The following ZC3H8 variants were observed in gnomAD, a reference collection of about 807,000 sequenced individuals.
ZC3H8 encodes zinc finger CCCH-type containing 8.
In ZC3H8, 27 loss-of-function variants were observed where a neutral mutation model predicts 42.5. The observed-to-expected ratio is 0.64, with a 90% CI of 0.47 to 0.88. The LOEUF (loss-of-function observed/expected upper bound fraction) is 0.88. Ranked by LOEUF, ZC3H8 falls within the 40% of genes least tolerant of loss-of-function variation. The pLI, the probability that ZC3H8 is intolerant of heterozygous loss-of-function variation, is 0.00. For missense variants in ZC3H8, 277 were observed against 336.1 expected, an observed-to-expected ratio of 0.82 and a Z score of 1.37; for synonymous variants, 101 against 110.1, an observed-to-expected ratio of 0.92 and a Z score of 0.52.
intron 4 of ZC3H8, among the ~76,000 whole-genome samples, chr2:112,234,831 G>A (rs542565216): frequency 6.6e-6 from 1 of 152,116 alleles, no homozygotes; most frequent in African/African-American, 2.4e-5. Flanking sequence ...AAATGAAAGT[G>A]ATAGTATTTA....
At chr2:112,226,450 G>A (rs1316633468) in intron 8 of ZC3H8, among the ~76,000 whole-genome samples, 1 of 151,884 alleles carries the variant, frequency 6.6e-6, no homozygotes, top group African/African-American at 2.4e-5. Context: ...TTAGCCAGGT[G>A]AGGTGGCGGG....
chr2:112,225,865 T>C (rs1167121090), intron 8 of ZC3H8, among the ~76,000 whole-genome samples: 1 of 151,568 alleles, frequency 6.6e-6, no homozygotes, highest in African/African-American at 2.4e-5. Context: ...GTGGATCACC[T>C]GAGGTCAGGA....
At chr2:112,225,566 C>G (rs2104647160) in intron 8 of ZC3H8, among the ~76,000 whole-genome samples, 2 of 152,338 alleles carry the variant, frequency 1.3e-5, no homozygotes, top group East Asian at 3.9e-4. Flanking sequence ...CCTGTAATCC[C>G]AACACTTTGG....
At chr2:112,250,299 A>T in intron 1 of ZC3H8, 27 bp from the exon 2 acceptor site, 3 of 1,525,380 alleles carry the variant, frequency 2.0e-6, no homozygotes, top group African/African-American at 1.4e-5. Context: ...AAATAACACA[A>T]AAGAGTTTTT....
intron 6 of ZC3H8, 124 bp downstream of exon 6, chr2:112,233,136 C>G: frequency 1.7e-6 from 1 of 580,098 alleles, no homozygotes; most frequent in South Asian, 2.5e-5. Context: ...CACTTTGATA[C>G]TAAGTTGGGC....
At chr2:112,242,221 G>T (rs1030068554) in intron 2 of ZC3H8, among the ~76,000 whole-genome samples, 11 of 152,334 alleles carry the variant, frequency 7.2e-5, no homozygotes, top group Non-Finnish European at 1.3e-4. Context: ...ACCTGTGTTT[G>T]TAAGCACCCA....
rs35500593 is a variant in ZC3H8 at position 112,212,965 on chromosome 2, CTTTTTTTTTTTTT to C, written c.*3506_*3518del. On this transcript the variant is annotated 3_prime_UTR_variant, in exon 9 of 9. Transcript: ENST00000409573. ...CAGCAAGCACAACTCAGAAGAAATG[CTTTTTTTTTTTTT>C]TTTTTTTTTTATAAGAGACAAGGCT... is the stretch of plus-strand genomic sequence containing the variant. 1 of 84,918 alleles carries C rather than the reference CTTTTTTTTTTTTT, an allele frequency of 1.2e-5. No individual in the cohort carries two copies. The highest frequency in any genetic ancestry group is 1.3e-4 in the Admixed American group (1 of 7,666). 5.3% of individuals were successfully genotyped at this position (84,918 alleles called of 1,614,324 possible).
chr2:112,221,433 C>T (rs1464612545), intron 8 of ZC3H8, among the ~76,000 whole-genome samples: 2 of 152,178 alleles, frequency 1.3e-5, no homozygotes, highest in South Asian at 2.1e-4. Context: ...CCTGAGGCCT[C>T]CTCAGAAGCA....
intron 2 of ZC3H8, among the ~76,000 whole-genome samples, chr2:112,243,207 TCAAA>T (rs1376563735): frequency 6.6e-6 from 1 of 152,194 alleles, no homozygotes; most frequent in African/African-American, 2.4e-5. Flanking sequence ...TTTTGCACAC[TCAAA>T]CAGTTCCAGA....
rs1302289712 is a variant in ZC3H8, at chr2:112,212,905, T to C, written c.*3579A>G. Reference sequence around the variant, plus strand: ...TTGGCAGGAGGAGCCCCATGCTCTTTAGGCGCATTACCAAATCACCTAGTA... The same window carrying C: ...TTGGCAGGAGGAGCCCCATGCTCTTCAGGCGCATTACCAAATCACCTAGTA... On this transcript the variant is annotated 3_prime_UTR_variant, in exon 9 of 9. Coordinates refer to ENST00000409573, the MANE Select transcript of ZC3H8 (RefSeq NM_032494.3). 6.6e-6 allele frequency: 1 copy of C among 151,902 alleles called. No homozygotes were observed. The highest frequency in any genetic ancestry group is 1.5e-5 in the Non-Finnish European group (1 of 67,998). 9.4% of individuals were successfully genotyped at this position (151,902 alleles called of 1,614,324 possible). A position where few individuals can be genotyped will look rare whatever the true frequency, so the allele number is the denominator to read the frequency against.
At chr2:112,254,843 A>T in intron 1 of ZC3H8, 65 bp downstream of exon 1, 1 of 1,551,976 alleles carries the variant, frequency 6.4e-7, no homozygotes, top group Non-Finnish European at 8.7e-7. Context: ...TCCAATCCAG[A>T]AGAAACTAAG....
chr2:112,243,655 A>C (rs1685660680), intron 2 of ZC3H8, among the ~76,000 whole-genome samples: 1 of 152,210 alleles, frequency 6.6e-6, no homozygotes, highest in Admixed American at 6.5e-5. Flanking sequence ...TATCAGTCAA[A>C]GGCTGTGTTG....
intron 8 of ZC3H8, among the ~76,000 whole-genome samples, chr2:112,228,822 A>C (rs1684963129): frequency 6.6e-6 from 1 of 152,250 alleles, no homozygotes. Context: ...GGATATTTGC[A>C]AATCATGTAT....
chr2:112,253,667 C>G (rs1686031671), intron 1 of ZC3H8, among the ~76,000 whole-genome samples: 1 of 152,156 alleles, frequency 6.6e-6, no homozygotes, highest in Non-Finnish European at 1.5e-5. Context: ...TTCCAAGTGT[C>G]TTTTATGTAT....
rs1685058913 is a variant in ZC3H8 at position 112,230,940 on chromosome 2, G to A, written c.854C>T (p.Thr285Ile). 2 of 1,254,782 alleles carry A rather than the reference G, an allele frequency of 1.6e-6. No individual in the cohort carries two copies. Among genetic ancestry groups the A allele is most frequent in the African/African-American group, 1.6e-5 (1 of 63,050 alleles). The allele number at this position is 1,254,782 out of a possible 1,614,324, so 77.7% of individuals were successfully genotyped here. Reference sequence around the variant, plus strand: ...ATTTTATTTACATGACTTCTTTTCAGTATCCAAAACCTAATATAAAAAAAA... The same window carrying A: ...ATTTTATTTACATGACTTCTTTTCAATATCCAAAACCTAATATAAAAAAAA... ...TQELLAKVLD[T>I]EKKSCK is the part of the protein sequence containing the mutation. Residue 285 changes from threonine (T) to isoleucine (I), a missense_variant, in exon 8 of 9, where the codon ACT (threonine) becomes ATT (isoleucine). Physicochemically the swap from Thr to Ile is moderately conservative, Grantham distance 89. Transcript: ENST00000409573.
intron 2 of ZC3H8, among the ~76,000 whole-genome samples, chr2:112,244,769 T>C (rs1309312797): frequency 2.6e-5 from 4 of 152,222 alleles, no homozygotes; most frequent in African/African-American, 4.8e-5. Context: ...CATGCCCACA[T>C]AAGATGGCGA....
chr2:112,235,769 A>C (rs1481240449), intron 4 of ZC3H8, among the ~76,000 whole-genome samples: 1 of 152,088 alleles, frequency 6.6e-6, no homozygotes, highest in Non-Finnish European at 1.5e-5. Flanking sequence ...GGGGAGATTC[A>C]GTAAGGCCAA....
chr2:112,211,894 T>G lies in ZC3H8; in HGVS notation c.*4590A>C, dbSNP rs1244977328. 1 of 152,206 alleles carries G rather than the reference T, an allele frequency of 6.6e-6. No homozygotes were observed. Among genetic ancestry groups the G allele is most frequent in the Non-Finnish European group, 1.5e-5 (1 of 68,026 alleles). 9.4% of individuals were successfully genotyped at this position (152,206 alleles called of 1,614,324 possible). A position where few individuals can be genotyped will look rare whatever the true frequency, so the allele number is the denominator to read the frequency against. Reference sequence around the variant, plus strand: ...TCTTGTCCCTCCCTATCCAAACATATACATTCTCCCCTCTCCTCTTAACCC... The same window carrying G: ...TCTTGTCCCTCCCTATCCAAACATAGACATTCTCCCCTCTCCTCTTAACCC... On this transcript the variant is annotated 3_prime_UTR_variant, in exon 9 of 9. Transcript: ENST00000409573.
chr2:112,227,952 A>G (rs887134931), intron 8 of ZC3H8, among the ~76,000 whole-genome samples: 2 of 152,252 alleles, frequency 1.3e-5, no homozygotes, highest in African/African-American at 4.8e-5. Flanking sequence ...CTTAAAACTT[A>G]TATGGAAAAG....
Sources: allele counts gnomAD v4.1 joint callset (sites outside exome capture counted in the v4.1 genomes callset), GRCh38; gene constraint gnomAD v4.1.1; transcripts MANE v1.5; gene names NCBI Gene and HGNC (gene_info 2026-07-23, HGNC 2026-07-21).